Variants in GXYLT1 observed in about 807,000 individuals in gnomAD.
GXYLT1 encodes the protein glycosyltransferase 8 domain containing 3.
GXYLT1 carries 29 observed loss-of-function variants against 54.0 expected under a neutral mutation model. The ratio of observed to expected loss-of-function variants is 0.54; its 90% CI spans 0.40 to 0.73. The LOEUF (loss-of-function observed/expected upper bound fraction) is 0.73. Among genes scored for constraint, GXYLT1 ranks in the 30% least tolerant of loss-of-function variants. The pLI, the probability that GXYLT1 is intolerant of heterozygous loss-of-function variation, is 0.00. For synonymous variants in GXYLT1, 176 were observed against 204.1 expected (o/e 0.86, Z 1.17); for missense variants, 490 against 553.4 (o/e 0.89, Z 1.15).
In GXYLT1 at chr12:42,122,826, A is replaced by G. The variant is rs149591843; in HGVS notation, c.315-3655T>C. Among the ~76,000 whole-genome samples the G allele has an allele frequency of 5.3e-3, 802 of 152,304 alleles. 5 individuals carry two copies. Among genetic ancestry groups the G allele is most frequent in the African/African-American group, 0.018 (764 of 41,574 alleles). ...ATTTCCCCCATATATTATAAAGGAG[A>G]TAAAAGCACTGTTACAGTGTAGAAA... is the stretch of plus-strand genomic sequence containing the variant. On this transcript the variant is annotated intron_variant, in intron 2 of 7. Transcript: ENST00000398675.
chr12:42,115,047 A>G (rs201827990), intron 3 of GXYLT1, among the ~76,000 whole-genome samples: 1 of 152,086 alleles, frequency 6.6e-6, no homozygotes, highest in Non-Finnish European at 1.5e-5. Context: ...TTATCTCAAT[A>G]GATGCAGAAA....
chr12:42,112,130 A>G (rs1425581323), intron 3 of GXYLT1, among the ~76,000 whole-genome samples: 1 of 152,194 alleles, frequency 6.6e-6, no homozygotes, highest in African/African-American at 2.4e-5. Context: ...CATCCACACC[A>G]AAAACCCCTC....
intron 2 of GXYLT1, among the ~76,000 whole-genome samples, chr12:42,128,679 TATA>T (rs1271581657): frequency 1.3e-5 from 2 of 152,134 alleles, no homozygotes; most frequent in Non-Finnish European, 1.5e-5. Flanking sequence ...GTGTGGCAAA[TATA>T]ATGAGTAGAA....
chr12:42,136,357 A>G (rs2065619290), intron 1 of GXYLT1, among the ~76,000 whole-genome samples: 1 of 152,200 alleles, frequency 6.6e-6, no homozygotes, highest in South Asian at 2.1e-4. Context: ...AGAATATTAA[A>G]CATCCAACAT....
chr12:42,114,536 T>G (rs2065480590), intron 3 of GXYLT1, among the ~76,000 whole-genome samples: 1 of 152,102 alleles, frequency 6.6e-6, no homozygotes, highest in Non-Finnish European at 1.5e-5. Flanking sequence ...CTAGAAGAAA[T>G]GGATAAATTC....
chr12:42,128,116 T>G (rs905766019), intron 2 of GXYLT1, among the ~76,000 whole-genome samples: 3 of 152,188 alleles, frequency 2.0e-5, no homozygotes, highest in African/African-American at 7.2e-5. Flanking sequence ...AGAGAGTATG[T>G]GATGGAAAGA....
rs950583135 is a variant in GXYLT1, at chr12:42,083,821, C to G, written c.*3965G>C. On this transcript the variant is annotated 3_prime_UTR_variant, in exon 8 of 8. Coordinates refer to ENST00000398675, the MANE Select transcript of GXYLT1 (RefSeq NM_173601.2). ...ACTGCTGCAACACATTCCTTGGCCC[C>G]CTTCAGACCTAATGAAGCAGTCCCC... The G allele has an allele frequency of 2.0e-5, 3 of 152,170 alleles. No individual in the cohort carries two copies. Among genetic ancestry groups the G allele is most frequent in the Admixed American group, 2.0e-4 (3 of 15,270 alleles). The allele number at this position is 152,170 out of a possible 1,614,324, so 9.4% of individuals were successfully genotyped here.
At position 42,097,659 on chromosome 12, in the gene GXYLT1, C is replaced by A. The variant is rs750513877; in HGVS notation, c.989-45G>T. 4.0e-6 allele frequency: 6 copies of A among 1,499,082 alleles called. No individual in the cohort carries two copies. The East Asian group carries it at 1.4e-4, about 34-fold the overall frequency. 92.9% of individuals were successfully genotyped at this position (1,499,082 alleles called of 1,614,324 possible). A position where few individuals can be genotyped will look rare whatever the true frequency, so the allele number is the denominator to read the frequency against. The stretch of plus-strand genomic sequence containing the variant: ...AACAATGAAGCAAATACCCCTAATT[C>A]CACAGATGTAACATTATGCAAAACT... On this transcript the variant is annotated intron_variant, in intron 6 of 7. Coordinates refer to ENST00000398675, the MANE Select transcript of GXYLT1 (RefSeq NM_173601.2).
chr12:42,087,854 T>C lies in GXYLT1; in HGVS notation c.1255A>G (p.Lys419Glu), dbSNP rs375092173. The C allele has an allele frequency of 1.9e-6, 3 of 1,605,996 alleles. No individual in the cohort carries two copies. The highest frequency in any genetic ancestry group is 2.7e-5 in the African/African-American group (2 of 74,822). ...TTTGCTAGTTGTTTGATAAATATTT[T>C]GTAAATTTTTCCACAGTATGTATGC... Reference protein sequence around the residue: ...TVHTYCGKIYKIFIKQLAKSV... With the variant: ...TVHTYCGKIYEIFIKQLAKSV... The change falls in exon 8 of 8, where the codon AAA (lysine) becomes GAA (glutamate). Residue 419 changes from lysine to glutamate, a missense_variant. Lys to Glu is a moderately conservative substitution (Grantham distance 56). Transcript: ENST00000398675.
intron 3 of GXYLT1, among the ~76,000 whole-genome samples, chr12:42,111,323 G>A (rs2065453808): frequency 1.3e-5 from 2 of 152,218 alleles, no homozygotes; most frequent in Admixed American, 6.5e-5. Flanking sequence ...AGCCGAACCG[G>A]GGCGAGGCAT....
chr12:42,125,115 GGA>G (rs1233383261), intron 2 of GXYLT1, among the ~76,000 whole-genome samples: 4 of 152,168 alleles, frequency 2.6e-5, no homozygotes, highest in Admixed American at 6.5e-5. Flanking sequence ...AGCAGTGAGA[GGA>G]GACTATAATT....
In GXYLT1 at chr12:42,082,503, G is replaced by C. The variant is rs2065259752; in HGVS notation, c.*5283C>G. ...CCAATTTCCTTTATTTTTTGAGACA[G>C]GGTCTCGCTCTGTCACCCAGGCTGG... On this transcript the variant is annotated 3_prime_UTR_variant, in exon 8 of 8. Coordinates refer to ENST00000398675, the MANE Select transcript of GXYLT1 (RefSeq NM_173601.2). 1 of 152,114 alleles carries C rather than the reference G, an allele frequency of 6.6e-6. No homozygotes were observed. The highest frequency in any genetic ancestry group is 2.1e-4 in the South Asian group (1 of 4,828). 9.4% of individuals were successfully genotyped at this position (152,114 alleles called of 1,614,324 possible). A position where few individuals can be genotyped will look rare whatever the true frequency, so the allele number is the denominator to read the frequency against.
chr12:42,142,716 G>A (rs1037152865), intron 1 of GXYLT1, among the ~76,000 whole-genome samples: 4 of 152,030 alleles, frequency 2.6e-5, no homozygotes, highest in East Asian at 1.9e-4. Context: ...GAGTCCTGAG[G>A]TCTTAGTAAT....
In GXYLT1 at chr12:42,129,850, A is replaced by C; in HGVS notation, c.223T>G (p.Cys75Gly). 4 of 1,602,144 alleles carry C rather than the reference A, an allele frequency of 2.5e-6. No homozygotes were observed. Among genetic ancestry groups the C allele is most frequent in the Non-Finnish European group, 3.4e-6 (4 of 1,169,322 alleles). The change falls in exon 2 of 8, where the codon TGT (cysteine) becomes GGT (glycine). Residue 75 changes from cysteine (C) to glycine (G), a missense_variant and splice_region_variant. Coordinates refer to ENST00000398675, the MANE Select transcript of GXYLT1 (RefSeq NM_173601.2). ...CAGTAACACAGAGAGAAATCTTTAC[A>C]CCTAACAGAGTAAGACAGAAATAAG... ...PAAHPGVSDR[C>G]KDFSLCYWNP...
intron 2 of GXYLT1, among the ~76,000 whole-genome samples, chr12:42,128,703 T>A (rs931663766): frequency 6.6e-6 from 1 of 152,170 alleles, no homozygotes; most frequent in Non-Finnish European, 1.5e-5. Flanking sequence ...TTAATATTTA[T>A]TTTATTTGTT....
chr12:42,114,139 G>A (rs1467896133), intron 3 of GXYLT1, among the ~76,000 whole-genome samples: 1 of 152,154 alleles, frequency 6.6e-6, no homozygotes, highest in Non-Finnish European at 1.5e-5. Flanking sequence ...AGTGTGTAGA[G>A]GGAAATTTAC....
At chr12:42,140,042 A>G (rs1463995816) in intron 1 of GXYLT1, among the ~76,000 whole-genome samples, 3 of 151,846 alleles carry the variant, frequency 2.0e-5, no homozygotes, top group Admixed American at 6.6e-5. Context: ...TTAGCTGGGC[A>G]TGGTGGCAGG....
At chr12:42,098,678 T>C (rs1219110425) in intron 5 of GXYLT1, among the ~76,000 whole-genome samples, 1 of 150,038 alleles carries the variant, frequency 6.7e-6, no homozygotes, top group African/African-American at 2.4e-5. Flanking sequence ...GAACTGGCCT[T>C]TTTATGATGG....
At chr12:42,133,061 T>C (rs909438627) in intron 1 of GXYLT1, among the ~76,000 whole-genome samples, 2 of 152,098 alleles carry the variant, frequency 1.3e-5, no homozygotes, top group Non-Finnish European at 2.9e-5. Flanking sequence ...GGTAGGCGGA[T>C]CACTTGAGGT....
Sources: gnomAD v4.1 joint callset for allele counts (sites outside exome capture counted in the v4.1 genomes callset) on GRCh38, gnomAD v4.1.1 for gene constraint, MANE v1.5 for transcripts, NCBI Gene and HGNC (gene_info 2026-07-23, HGNC 2026-07-21) for gene names.